SRC: variants seen among roughly 807,000 people sequenced by gnomAD.
The protein encoded by SRC is SRC proto-oncogene, non-receptor tyrosine kinase.
SRC carries 13 observed loss-of-function variants against 62.9 expected under a neutral mutation model. That is an observed-to-expected ratio of 0.21 (90% confidence interval 0.13 to 0.33). SRC has a LOEUF of 0.33. SRC is among the 10% of genes least tolerant of loss of function. The pLI, the probability that SRC is intolerant of heterozygous loss-of-function variation, is 1.00. For synonymous variants in SRC, 302 were observed against 317.5 expected, an observed-to-expected ratio of 0.95 and a Z score of 0.52; for missense variants, 457 against 737.3, an observed-to-expected ratio of 0.62 and a Z score of 4.40.
At chr20:37,394,093 C>T (rs1400871712) in intron 6 of SRC, 81 bp from the exon 7 acceptor site, 3 of 1,553,700 alleles carry the variant, frequency 1.9e-6, no homozygotes, top group Admixed American at 1.7e-5. Flanking sequence ...TGTCCAGCGC[C>T]CCAGCCATAT....
intron 10 of SRC, among the ~76,000 whole-genome samples, chr20:37,400,782 C>G (rs2070725154): frequency 6.6e-6 from 1 of 152,138 alleles, no homozygotes; most frequent in African/African-American, 2.4e-5. Flanking sequence ...GTTTTAACAA[C>G]TGGATTTACT....
intron 5 of SRC, among the ~76,000 whole-genome samples, chr20:37,393,124 C>T (rs1415873126): frequency 2.6e-5 from 4 of 152,234 alleles, no homozygotes; most frequent in Non-Finnish European, 5.9e-5. Context: ...CTCACTTTCG[C>T]ATAGAAGTGC....
chr20:37,364,365 T>C (rs1272601568), intron 1 of SRC, among the ~76,000 whole-genome samples: 1 of 152,096 alleles, frequency 6.6e-6, no homozygotes, highest in East Asian at 1.9e-4. Flanking sequence ...ACTGAGCTCG[T>C]AAGCATGGTG....
At chr20:37,395,373 C>T (rs1178019321) in intron 7 of SRC, among the ~76,000 whole-genome samples, 1 of 152,270 alleles carries the variant, frequency 6.6e-6, no homozygotes, top group Non-Finnish European at 1.5e-5. Flanking sequence ...AGGCCTGTCC[C>T]TGGCTGCTGG....
intron 5 of SRC, chr20:37,386,525 G>T (rs745849544): frequency 2.8e-6 from 2 of 708,986 alleles, no homozygotes; most frequent in South Asian, 1.5e-5. Flanking sequence ...TGCTTCGCGG[G>T]GGGTGGGGGC....
intron 2 of SRC, among the ~76,000 whole-genome samples, chr20:37,371,522 T>C (rs1265348476): frequency 1.3e-5 from 2 of 152,126 alleles, no homozygotes; most frequent in Non-Finnish European, 2.9e-5. Context: ...TTTCAAAGAA[T>C]CACCTCTTGG....
chr20:37,382,170 C>T (rs2070374281), intron 2 of SRC, among the ~76,000 whole-genome samples: 2 of 152,318 alleles, frequency 1.3e-5, no homozygotes, highest in African/African-American at 4.8e-5. Flanking sequence ...AAAGAATAAT[C>T]GGAACCTGCC....
At chr20:37,360,726 A>G (rs558132973) in intron 1 of SRC, among the ~76,000 whole-genome samples, 7 of 152,318 alleles carry the variant, frequency 4.6e-5, no homozygotes, top group African/African-American at 1.7e-4. Flanking sequence ...TCAACAAAGA[A>G]TAGCTGCTCC....
At position 37,393,918 on chromosome 20, in the gene SRC, A is replaced by T; in HGVS notation, c.374A>T (p.His125Leu). Residue 125 changes from histidine (H) to leucine (L), a missense_variant, in exon 6 of 14, where the codon CAC (histidine) becomes CTC (leucine). This residue lies in a region of SRC where 141 missense variants were observed against 198.4 expected (regional missense o/e 0.71). Transcript: ENST00000373578. ...AGAGAGGGAGACTGGTGGCTGGCCC[A>T]CTCGCTCAGCACAGGACAGACAGGC... ...NNTEGDWWLA[H>L]SLSTGQTGYI... 6.2e-7 allele frequency: 1 copy of T among 1,613,788 alleles called. No homozygotes were observed. Among genetic ancestry groups the T allele is most frequent in the Non-Finnish European group, 8.5e-7 (1 of 1,179,918 alleles).
upstream of SRC, among the ~76,000 whole-genome samples, chr20:37,345,613 G>T (rs563926637): frequency 6.6e-6 from 1 of 152,348 alleles, no homozygotes; most frequent in African/African-American, 2.4e-5. Flanking sequence ...TCCAAGGCCT[G>T]GTTCTTGTCA....
In SRC at chr20:37,348,811, G is replaced by T. The variant is rs1638984441; in HGVS notation, c.-247+2556G>T. On this transcript the variant is annotated intron_variant, in intron 1 of 13. Transcript: ENST00000373578. Reference sequence around the variant, plus strand: ...AAGGACTCAGGGAGAGAGGCCTAGGGTACACAGGAATCTTGAAGAGGGCAT... The same window carrying T: ...AAGGACTCAGGGAGAGAGGCCTAGGTTACACAGGAATCTTGAAGAGGGCAT... Among the ~76,000 whole-genome samples, 6 of 152,290 alleles carry T rather than the reference G, an allele frequency of 3.9e-5. No individual in the cohort carries two copies. The South Asian group carries it at 1.2e-3, about 32-fold the overall frequency.
At chr20:37,375,592 A>G (rs1054270281) in intron 2 of SRC, among the ~76,000 whole-genome samples, 1 of 151,408 alleles carries the variant, frequency 6.6e-6, no homozygotes, top group African/African-American at 2.4e-5. Context: ...CCTGGAAAGT[A>G]TGAAACTCAC....
At position 37,384,631 on chromosome 20, in the gene SRC, G is replaced by A; in HGVS notation, c.250+228G>A. 6.6e-6 allele frequency among the ~76,000 whole-genome samples: 1 copy of A among 151,254 alleles called. No homozygotes were observed. The highest frequency in any genetic ancestry group is 2.1e-4 in the South Asian group (1 of 4,810). ...GTGGAGCAAGCGCAAAAGACACGGGGTGTGGTTAATGGGTTCTAATTGGAC... is the reference window on the plus strand; with the variant it reads ...GTGGAGCAAGCGCAAAAGACACGGGATGTGGTTAATGGGTTCTAATTGGAC... On this transcript the variant is annotated intron_variant, in intron 4 of 13. Transcript: ENST00000373578. This position sits in a 1 kb window ranked among gnomAD's most constrained non-coding sequence, Gnocchi z 6.7.
chr20:37,346,996 G>A (rs2069732558), intron 1 of SRC, among the ~76,000 whole-genome samples: 1 of 152,260 alleles, frequency 6.6e-6, no homozygotes, highest in Non-Finnish European at 1.5e-5. Flanking sequence ...TGTGTCCTCA[G>A]ACAACTGCCT....
intron 6 of SRC, 31 bp from the exon 7 acceptor site, chr20:37,394,127 GCAGAAGCCTGGACAGT>G (rs899110003): frequency 1.3e-6 from 2 of 1,585,782 alleles, no homozygotes; most frequent in African/African-American, 2.7e-5. Context: ...CTGTGAGTGG[GCAGAAGCCTGGACAGT>G]CAGCACCATC....
chr20:37,361,076 C>T (rs573816355), intron 1 of SRC, among the ~76,000 whole-genome samples: 34 of 148,252 alleles, frequency 2.3e-4, no homozygotes, highest in South Asian at 8.6e-4. Context: ...GTGGTCAGGC[C>T]GAAAGGGTAC....
intron 2 of SRC, among the ~76,000 whole-genome samples, chr20:37,369,305 G>A (rs867266785): frequency 7.9e-5 from 12 of 152,160 alleles, no homozygotes; most frequent in African/African-American, 2.7e-4. Flanking sequence ...CCATGAACAC[G>A]GGATGTCTTT....
chr20:37,361,139 G>T (rs1049472181), intron 1 of SRC, among the ~76,000 whole-genome samples: 2 of 152,076 alleles, frequency 1.3e-5, no homozygotes, highest in African/African-American at 2.4e-5. Flanking sequence ...GGAGCTTAGG[G>T]GGGGAAGAAT....
chr20:37,368,625 T>G (rs1474768265), intron 2 of SRC, among the ~76,000 whole-genome samples: 118 of 126,710 alleles, frequency 9.3e-4, no homozygotes, highest in African/African-American at 3.4e-3. Flanking sequence ...GGATCTCGGC[T>G]CACTGCAAGC....
Sources: gnomAD v4.1 joint callset for allele counts (sites outside exome capture counted in the v4.1 genomes callset) on GRCh38, gnomAD v4.1.1 for gene constraint, gnomAD v4.1.1 regional missense constraint, Gnocchi (gnomAD v3.1) non-coding constraint, MANE v1.5 for transcripts, NCBI Gene and HGNC (gene_info 2026-07-23, HGNC 2026-07-21) for gene names.